ADAMTS19: variants seen among roughly 807,000 people sequenced by gnomAD.
The protein encoded by ADAMTS19 is ADAM metallopeptidase with thrombospondin type 1 motif 19.
ADAMTS19 carries 93 observed loss-of-function variants against 153.3 expected under a neutral mutation model. That is an observed-to-expected ratio of 0.61 (90% CI 0.51 to 0.72). The LOEUF (loss-of-function observed/expected upper bound fraction) is 0.72, where lower values mean the gene tolerates loss of function less well. Among genes scored for constraint, ADAMTS19 ranks in the 30% least tolerant of loss-of-function variants. The pLI, the probability that ADAMTS19 is intolerant of heterozygous loss-of-function variation, is 0.00. For synonymous variants in ADAMTS19, 600 were observed against 556.6 expected (o/e 1.08, Z -1.10); for missense variants, 1,482 against 1,552.1 (o/e 0.95, Z 0.76).
At chr5:129,708,055 A>G (rs896264812) in intron 21 of ADAMTS19, among the ~76,000 whole-genome samples, 1 of 152,218 alleles carries the variant, frequency 6.6e-6, no homozygotes, top group African/African-American at 2.4e-5. Context: ...ATCAGCCTAC[A>G]TGATTTATAT....
At position 129,512,649 on chromosome 5, in the gene ADAMTS19, C is replaced by A. The variant is rs145970592; in HGVS notation, c.913+3407C>A. Among the ~76,000 whole-genome samples the A allele has an allele frequency of 4.3e-4, 65 of 152,172 alleles. 1 individual carries two copies. Among genetic ancestry groups the A allele is most frequent in the Middle Eastern group, 6.8e-3 (2 of 294 alleles). ...GCCTATTTAAGTGAAAATAAGGACA[C>A]AGGAAACTGACAGATTGGGGCCAAC... On this transcript the variant is annotated intron_variant, in intron 3 of 22. Transcript: ENST00000274487.
At chr5:129,508,469 C>T (rs943723353) in intron 2 of ADAMTS19, among the ~76,000 whole-genome samples, 1 of 151,956 alleles carries the variant, frequency 6.6e-6, no homozygotes, top group Admixed American at 6.6e-5. Context: ...AGTTTCAACC[C>T]TCTGTCTCAC....
At chr5:129,460,729 GT>G (rs1561524398) in intron 1 of ADAMTS19, 1 of 582,404 alleles carries the variant, frequency 1.7e-6, no homozygotes, top group Non-Finnish European at 3.0e-6. Context: ...GCAAAGGTAC[GT>G]TTACAGCACC....
At chr5:129,554,857 G>T (rs572454429) in intron 7 of ADAMTS19, among the ~76,000 whole-genome samples, 4 of 152,154 alleles carry the variant, frequency 2.6e-5, no homozygotes, top group African/African-American at 9.6e-5. Context: ...CTGGTAAACT[G>T]CTCTGTGACT....
intron 21 of ADAMTS19, among the ~76,000 whole-genome samples, chr5:129,727,607 A>G (rs1757259209): frequency 6.6e-6 from 1 of 152,164 alleles, no homozygotes; most frequent in Non-Finnish European, 1.5e-5. Flanking sequence ...TTAAAACTCT[A>G]ATTCCAGCAC....
At position 129,642,866 on chromosome 5, in the gene ADAMTS19, G is replaced by A. The variant is rs115330431; in HGVS notation, c.1872+906G>A. 5.9e-3 allele frequency among the ~76,000 whole-genome samples: 892 copies of A among 152,146 alleles called. 8 individuals carry two copies. The highest frequency in any genetic ancestry group is 0.016 in the African/African-American group (680 of 41,510). ...TGAAGCTATTAACTTCTAGAAATTC[G>A]TCTTAAGAAAGTACACACACAGACG... On this transcript the variant is annotated intron_variant, in intron 11 of 22. Coordinates refer to ENST00000274487, the MANE Select transcript of ADAMTS19 (RefSeq NM_133638.6).
At chr5:129,561,343 C>T (rs1304118930) in intron 7 of ADAMTS19, among the ~76,000 whole-genome samples, 2 of 152,040 alleles carry the variant, frequency 1.3e-5, no homozygotes, top group Non-Finnish European at 2.9e-5. Flanking sequence ...TCCTGGCTAA[C>T]AAGGTGAAAC....
chr5:129,729,575 G>A (rs1160696024), intron 21 of ADAMTS19, among the ~76,000 whole-genome samples: 1 of 151,842 alleles, frequency 6.6e-6, no homozygotes, highest in Non-Finnish European at 1.5e-5. Context: ...AAATTATACT[G>A]TTTTAGTTTA....
intron 10 of ADAMTS19, among the ~76,000 whole-genome samples, chr5:129,628,839 A>G (rs952334742): frequency 2.0e-5 from 3 of 152,092 alleles, no homozygotes; most frequent in Admixed American, 1.3e-4. Flanking sequence ...TAGCTTAGAA[A>G]CAATGGGATA....
At chr5:129,662,887 C>CTTTT (rs545012539) in intron 15 of ADAMTS19, among the ~76,000 whole-genome samples, 9 of 125,414 alleles carry the variant, frequency 7.2e-5, no homozygotes, top group South Asian at 2.4e-4. Context: ...GATTCTTCTT[C>CTTTT]ATTTTTTTTT....
intron 2 of ADAMTS19, among the ~76,000 whole-genome samples, chr5:129,488,691 C>G (rs1750672511): frequency 6.6e-6 from 1 of 152,050 alleles, no homozygotes; most frequent in Non-Finnish European, 1.5e-5. Flanking sequence ...GTGATTTATA[C>G]ATTTGATTAT....
chr5:129,625,132 C>T (rs1751967731), intron 10 of ADAMTS19, among the ~76,000 whole-genome samples: 1 of 152,136 alleles, frequency 6.6e-6, no homozygotes, highest in African/African-American at 2.4e-5. Flanking sequence ...ATGATGGTTT[C>T]CAGCTTCATC....
intron 21 of ADAMTS19, among the ~76,000 whole-genome samples, chr5:129,712,935 G>A (rs1228289742): frequency 6.6e-6 from 1 of 152,056 alleles, no homozygotes; most frequent in Non-Finnish European, 1.5e-5. Flanking sequence ...AAATGCAAGA[G>A]AAATATTGTA....
Position 129,694,785 on chromosome 5 carries a change from G to A in ADAMTS19, c.2884G>A (p.Glu962Lys). The change falls in exon 19 of 23, where the codon GAG becomes AAG. Residue 962 changes from glutamate to lysine, a missense_variant. This residue lies in a region of ADAMTS19 where 616 missense variants were observed against 724.4 expected (regional missense o/e 0.85). Transcript: ENST00000274487. ...CAAAAATATCAGCATTGTGGACAATGAGAAATGCAAATACTTAACCAAGCC... is the reference window on the plus strand; with the variant it reads ...CAAAAATATCAGCATTGTGGACAATAAGAAATGCAAATACTTAACCAAGCC... ...MSKNISIVDN[E>K]KCKYLTKPEP... The A allele has an allele frequency of 3.1e-6, 5 of 1,610,664 alleles. No homozygotes were observed. The highest frequency in any genetic ancestry group is 4.2e-6 in the Non-Finnish European group (5 of 1,178,236).
intron 21 of ADAMTS19, among the ~76,000 whole-genome samples, chr5:129,706,334 C>A (rs963606215): frequency 6.6e-6 from 1 of 152,112 alleles, no homozygotes; most frequent in Non-Finnish European, 1.5e-5. Flanking sequence ...TTTTGGGAGG[C>A]CAAGGCAGGT....
At chr5:129,696,431 A>C (rs17163060) in intron 19 of ADAMTS19, among the ~76,000 whole-genome samples, 3,055 of 152,254 alleles carry the variant, frequency 0.02, 73 homozygotes, top group African/African-American at 0.064. Context: ...AATTTGGAAA[A>C]TACTTCATCT....
intron 10 of ADAMTS19, among the ~76,000 whole-genome samples, chr5:129,641,519 C>A (rs1752784708): frequency 6.6e-6 from 1 of 152,136 alleles, no homozygotes; most frequent in South Asian, 2.1e-4. Context: ...ATTCTTCCAG[C>A]CTGGTCCATG....
At chr5:129,603,154 A>T (rs1189988521) in intron 8 of ADAMTS19, among the ~76,000 whole-genome samples, 1 of 152,192 alleles carries the variant, frequency 6.6e-6, no homozygotes, top group Non-Finnish European at 1.5e-5. Flanking sequence ...AGAGTTCATC[A>T]AATGGCAGCG....
At position 129,647,784 on chromosome 5, in the gene ADAMTS19, G is replaced by A; in HGVS notation, c.1892G>A (p.Cys631Tyr). 6.2e-7 allele frequency: 1 copy of A among 1,614,056 alleles called. No individual in the cohort carries two copies. The highest frequency in any genetic ancestry group is 8.5e-7 in the Non-Finnish European group (1 of 1,179,936). The change falls in exon 12 of 23, where the codon TGT becomes TAT. Residue 631 changes from cysteine to tyrosine, a missense_variant. Physicochemically the swap from Cys to Tyr is radical, Grantham distance 194. Coordinates refer to ENST00000274487, the MANE Select transcript of ADAMTS19 (RefSeq NM_133638.6). ...GAATAGTGGTGTAAGGCTGGAGAAT[G>A]TACCAGCAGGACCTCAGCACCTGAA... ...DLGKWCKAGE[C>Y]TSRTSAPEHL...
Sources: allele counts gnomAD v4.1 joint callset (sites outside exome capture counted in the v4.1 genomes callset), GRCh38; gene constraint gnomAD v4.1.1; regional missense constraint gnomAD v4.1.1; transcripts MANE v1.5; gene names NCBI Gene and HGNC (gene_info 2026-07-23, HGNC 2026-07-21).